FCER2: variants seen among roughly 807,000 people sequenced by gnomAD.
FCER2 encodes low affinity immunoglobulin epsilon Fc receptor.
A neutral mutation model predicts 49.7 loss-of-function variants in FCER2; 38 were observed. That is an observed-to-expected ratio of 0.76 (90% CI 0.59 to 1.00). FCER2 has a LOEUF of 1.00. Among genes scored for constraint, FCER2 ranks in the 50% least tolerant of loss-of-function variants. The pLI is 0.00. For synonymous variants in FCER2, 163 were observed against 164.6 expected, an observed-to-expected ratio of 0.99 and a Z score of 0.07; for missense variants, 425 against 419.5, an observed-to-expected ratio of 1.01 and a Z score of -0.11.
rs2033163159 is a variant in FCER2 at position 7,702,016 on chromosome 19, CACTT to C, written c.-91_-88del. ...ACCCCCAACACACCAGATACGTACT[CACTT>C]AGTGGAGTTTGGAGCCTGTGTCTGT... is the stretch of plus-strand genomic sequence containing the variant. On this transcript the variant is annotated splice_region_variant and 5_prime_UTR_variant, in exon 1 of 11. Coordinates refer to ENST00000597921, the MANE Select transcript of FCER2 (RefSeq NM_001220500.2). 6.6e-6 allele frequency: 1 copy of C among 152,070 alleles called. No individual in the cohort carries two copies. The highest frequency in any genetic ancestry group is 1.5e-5 in the Non-Finnish European group (1 of 68,040). 9.4% of individuals were successfully genotyped at this position (152,070 alleles called of 1,614,324 possible).
chr19:7,690,113 C>G, intron 10 of FCER2, 46 bp downstream of exon 10: 2 of 1,213,106 alleles, frequency 1.6e-6, no homozygotes, highest in Non-Finnish European at 2.4e-6. Flanking sequence ...CCTCCCTCCA[C>G]GGTATTTCCA....
chr19:7,690,230 G>A lies in FCER2; in HGVS notation c.657C>T (p.Ser219=). ...GGTCCAAGTTCCGAAGGCCAATCCA[G>A]GAGCCGGTGTGGCTGGCATGCTTGG... ...FLTKHASHTG[S]WIGLRNLDLK... Residue 219 remains serine (S), a synonymous_variant, in exon 10 of 11, where the codon TCC becomes TCT. Coordinates refer to ENST00000597921, the MANE Select transcript of FCER2 (RefSeq NM_001220500.2). The A allele has an allele frequency of 6.2e-7, 1 of 1,614,094 alleles. No individual in the cohort carries two copies. Among genetic ancestry groups the A allele is most frequent in the Admixed American group, 1.7e-5 (1 of 60,018 alleles).
Position 7,697,558 on chromosome 19 carries a change from G to T in FCER2, c.222C>A (p.His74Gln), listed in dbSNP as rs764048367. 4 of 1,614,108 alleles carry T rather than the reference G, an allele frequency of 2.5e-6. No homozygotes were observed. In the Admixed American group the frequency reaches 6.7e-5, roughly 27 times the overall value. ...VSQVSKNLES[H>Q]HGDQMAQKSQ... ...ATTTCTGCGCCATCTGGTCACCGTG[G>T]TGGCTTTCCAAGTTCTTGGAAACTT... Residue 74 changes from histidine (H) to glutamine (Q), a missense_variant, in exon 5 of 11, where the codon CAC becomes CAA. Transcript: ENST00000597921.
Position 7,699,849 on chromosome 19 carries a change from A to G in FCER2, c.-85-4T>C. On this transcript the variant is annotated splice_polypyrimidine_tract_variant and splice_region_variant and intron_variant, in intron 1 of 10. Coordinates refer to ENST00000597921, the MANE Select transcript of FCER2 (RefSeq NM_001220500.2). ...GCGGGCACAATCACAGCTCTGGCTG[A>G]TTTGGGATTTAATGATGGTTAGGGT... 7.7e-7 allele frequency: 1 copy of G among 1,306,288 alleles called. No individual in the cohort carries two copies. Among genetic ancestry groups the G allele is most frequent in the Non-Finnish European group, 1.1e-6 (1 of 905,818 alleles). The allele number at this position is 1,306,288 out of a possible 1,614,324, so 80.9% of individuals were successfully genotyped here. A position where few individuals can be genotyped will look rare whatever the true frequency, so the allele number is the denominator to read the frequency against.
At chr19:7,700,330 T>C (rs1455945532) in intron 1 of FCER2, among the ~76,000 whole-genome samples, 1 of 152,138 alleles carries the variant, frequency 6.6e-6, no homozygotes, top group Admixed American at 6.5e-5. Flanking sequence ...TCCAATGAGA[T>C]CACAGCATAC....
rs111846644 is a variant in FCER2, at chr19:7,699,926, C to T, written c.-85-81G>A. The stretch of plus-strand genomic sequence containing the variant: ...CAGGATAGCATCTGGGACTTGGTGG[C>T]ACTCAGGGGCCATTTGCTGATTTTG... On this transcript the variant is annotated intron_variant, in intron 1 of 10. Transcript: ENST00000597921. 64 of 671,628 alleles carry T rather than the reference C, an allele frequency of 9.5e-5. No individual in the cohort carries two copies. The African/African-American group carries it at 1.0e-3, about 10-fold the overall frequency. The allele number at this position is 671,628 out of a possible 1,614,324, so 41.6% of individuals were successfully genotyped here.
At position 7,689,335 on chromosome 19, in the gene FCER2, C is replaced by G. The variant is rs145983387; in HGVS notation, c.824G>C (p.Arg275Pro). Residue 275 changes from arginine (R) to proline (P), a missense_variant, in exon 11 of 11, where the codon CGT becomes CCT. Arg to Pro is a moderately radical substitution (Grantham distance 103). Coordinates refer to ENST00000597921, the MANE Select transcript of FCER2 (RefSeq NM_001220500.2). ...GTCGCACACCCAGGCGCCCAGCTTA[C>G]GGTCGCAGAAGGCGTCGTTCCAGCG... ...SGRWNDAFCD[R>P]KLGAWVCDRL... 2 of 1,612,592 alleles carry G rather than the reference C, an allele frequency of 1.2e-6. No individual in the cohort carries two copies. Among genetic ancestry groups the G allele is most frequent in the South Asian group, 1.1e-5 (1 of 90,910 alleles).
chr19:7,699,699 C>A (rs1310102839), intron 2 of FCER2, 40 bp downstream of exon 2: 2 of 1,599,798 alleles, frequency 1.3e-6, no homozygotes, highest in South Asian at 2.2e-5. Flanking sequence ...AGCTAAGGGT[C>A]ATTGCTTCTG....
At chr19:7,698,627 T>C (rs1211772431) in intron 3 of FCER2, 114 bp downstream of exon 3, 6 of 1,424,954 alleles carry the variant, frequency 4.2e-6, no homozygotes, top group South Asian at 1.2e-5. Flanking sequence ...GATGGGAAAA[T>C]TGGGTTTTGA....
chr19:7,689,144 G>A lies in FCER2; in HGVS notation c.*49C>T, dbSNP rs746546709. On this transcript the variant is annotated 3_prime_UTR_variant, in exon 11 of 11. Transcript: ENST00000597921. ...TCAGCCACAAAGAGGCTTTTAGGCC[G>A]TGGTTGGGGGTCTTCAGGGTCTTGC... is the stretch of plus-strand genomic sequence containing the variant. The A allele has an allele frequency of 2.5e-5, 33 of 1,319,394 alleles. No homozygotes were observed. The highest frequency in any genetic ancestry group is 3.0e-5 in the Non-Finnish European group (28 of 924,626). The allele number at this position is 1,319,394 out of a possible 1,614,324, so 81.7% of individuals were successfully genotyped here. A position where few individuals can be genotyped will look rare whatever the true frequency, so the allele number is the denominator to read the frequency against.
At chr19:7,695,296 C>T (rs1433973612) in intron 8 of FCER2, among the ~76,000 whole-genome samples, 1 of 152,142 alleles carries the variant, frequency 6.6e-6, no homozygotes. Flanking sequence ...GGCTCCCTGC[C>T]CTGGTCAGAC....
chr19:7,700,588 C>T (rs959491736), intron 1 of FCER2, among the ~76,000 whole-genome samples: 1 of 152,074 alleles, frequency 6.6e-6, no homozygotes, highest in Non-Finnish European at 1.5e-5. Flanking sequence ...GATCTCGGCT[C>T]ACTGCCACCT....
rs906852375 is a variant in FCER2, at chr19:7,698,948, G to A, written c.23-94C>T. 4.5e-5 allele frequency: 62 copies of A among 1,386,614 alleles called. 1 individual carries two copies. Among genetic ancestry groups the A allele is most frequent in the Middle Eastern group, 3.9e-4 (2 of 5,128 alleles). The allele number at this position is 1,386,614 out of a possible 1,614,324, so 85.9% of individuals were successfully genotyped here. A position where few individuals can be genotyped will look rare whatever the true frequency, so the allele number is the denominator to read the frequency against. ...ATTACCCAGAGCCCCCGACAGCCTG[G>A]GAGCTTGTCCAGAGCCCACACTGAA... On this transcript the variant is annotated intron_variant, in intron 2 of 10. Transcript: ENST00000597921.
chr19:7,700,677 G>T (rs1451807976), intron 1 of FCER2, among the ~76,000 whole-genome samples: 1 of 151,840 alleles, frequency 6.6e-6, no homozygotes, highest in Non-Finnish European at 1.5e-5. Context: ...ACCATGACCA[G>T]ATAATTTTTG....
intron 8 of FCER2, among the ~76,000 whole-genome samples, chr19:7,691,429 A>G (rs2032867706): frequency 7.2e-6 from 1 of 139,730 alleles, no homozygotes; most frequent in South Asian, 2.4e-4. Flanking sequence ...AATCACCAAC[A>G]CCATCGCCAT....
chr19:7,689,091 G>T lies in FCER2; in HGVS notation c.*102C>A, dbSNP rs2032780439. 2 of 795,740 alleles carry T rather than the reference G, an allele frequency of 2.5e-6. No homozygotes were observed. Among genetic ancestry groups the T allele is most frequent in the Admixed American group, 2.4e-5 (1 of 42,164 alleles). The allele number at this position is 795,740 out of a possible 1,614,324, so 49.3% of individuals were successfully genotyped here. A position where few individuals can be genotyped will look rare whatever the true frequency, so the allele number is the denominator to read the frequency against. ...GGAGATGTGTCAGCTGCCTCCGTTT[G>T]GGTGGCAGAAAATGTCACAGGGACC... On this transcript the variant is annotated 3_prime_UTR_variant, in exon 11 of 11. Transcript: ENST00000597921.
Position 7,690,268 on chromosome 19 carries a change from G to T in FCER2, c.622-3C>A, listed in dbSNP as rs1475466998. On this transcript the variant is annotated splice_region_variant and splice_polypyrimidine_tract_variant and intron_variant, in intron 9 of 10. Coordinates refer to ENST00000597921, the MANE Select transcript of FCER2 (RefSeq NM_001220500.2). ...CTGGCATGCTTGGTCAGGAAGTCCT[G>T]GGGGACAGGACAGGGCTGGAGGACT... 6.2e-6 allele frequency: 10 copies of T among 1,612,770 alleles called. No homozygotes were observed. In the African/African-American group the frequency reaches 1.2e-4, roughly 19 times the overall value.
chr19:7,691,315 AC>A (rs1206030678), intron 8 of FCER2, among the ~76,000 whole-genome samples: 1 of 151,940 alleles, frequency 6.6e-6, no homozygotes, highest in Non-Finnish European at 1.5e-5. Flanking sequence ...CGGCTTGGGA[AC>A]TCTTCAGTCA....
At chr19:7,690,794 C>G (rs2032846118) in intron 8 of FCER2, among the ~76,000 whole-genome samples, 1 of 152,072 alleles carries the variant, frequency 6.6e-6, no homozygotes, top group Admixed American at 6.5e-5. Flanking sequence ...TCATGGTTAG[C>G]AGAGCACGGT....
Sources: allele counts gnomAD v4.1 joint callset (sites outside exome capture counted in the v4.1 genomes callset), GRCh38; gene constraint gnomAD v4.1.1; transcripts MANE v1.5; gene names NCBI Gene and HGNC (gene_info 2026-07-23, HGNC 2026-07-21).